KCNIP4: variants seen among roughly 807,000 people sequenced by gnomAD.
The protein encoded by KCNIP4 is potassium voltage-gated channel interacting protein 4.
In KCNIP4, 12 loss-of-function variants were observed where a neutral mutation model predicts 34.0. The ratio of observed to expected loss-of-function variants is 0.35; its 90% confidence interval spans 0.23 to 0.57. The LOEUF (loss-of-function observed/expected upper bound fraction) is 0.57, where lower values mean the gene tolerates loss of function less well. KCNIP4 is among the 20% of genes least tolerant of loss of function. The pLI is 0.83. For missense variants in KCNIP4, 238 were observed against 311.7 expected, an observed-to-expected ratio of 0.76 and a Z score of 1.78; for synonymous variants, 124 against 102.2, an observed-to-expected ratio of 1.21 and a Z score of -1.29.
chr4:20,758,071 C>T (rs529172432), intron 4 of KCNIP4, among the ~76,000 whole-genome samples: 2 of 152,248 alleles, frequency 1.3e-5, no homozygotes, highest in African/African-American at 2.4e-5. Context: ...ATTCCCCCTA[C>T]GTGATCAGCA....
chr4:21,898,548 C>A (rs1437433817), intron 1 of KCNIP4, among the ~76,000 whole-genome samples: 1 of 152,140 alleles, frequency 6.6e-6, no homozygotes, highest in Admixed American at 6.5e-5. Flanking sequence ...CAGAAGGGAA[C>A]CCACTGCCTT....
At chr4:21,091,817 C>A (rs1747020472) in intron 1 of KCNIP4, among the ~76,000 whole-genome samples, 1 of 152,142 alleles carries the variant, frequency 6.6e-6, no homozygotes, top group African/African-American at 2.4e-5. Context: ...ATGAGCACTC[C>A]ACCCTCAAGA....
intron 1 of KCNIP4, among the ~76,000 whole-genome samples, chr4:21,431,873 A>T (rs1023863850): frequency 6.6e-6 from 1 of 151,322 alleles, no homozygotes; most frequent in African/African-American, 2.4e-5. Context: ...GTGACTAATG[A>T]TCTTAATCAC....
At chr4:21,693,102 C>CCTCTTACCTT (rs371118853) in intron 1 of KCNIP4, among the ~76,000 whole-genome samples, 2 of 94,216 alleles carry the variant, frequency 2.1e-5, no homozygotes, top group African/African-American at 4.2e-5. Flanking sequence ...CTTAGGATCA[C>CCTCTTACCTT]CTCTTCCAGA....
chr4:21,214,258 A>T (rs1044545651), intron 1 of KCNIP4, among the ~76,000 whole-genome samples: 1 of 152,208 alleles, frequency 6.6e-6, no homozygotes, highest in Non-Finnish European at 1.5e-5. Flanking sequence ...AACATGTGTG[A>T]GCCATGAAAA....
At chr4:20,910,651 C>CT (rs1340214789) in intron 1 of KCNIP4, among the ~76,000 whole-genome samples, 2 of 152,190 alleles carry the variant, frequency 1.3e-5, no homozygotes, top group East Asian at 3.8e-4. Context: ...GAGTTCAGTA[C>CT]TTTCACGGCA....
At chr4:21,349,432 G>A (rs1238276242) in intron 1 of KCNIP4, among the ~76,000 whole-genome samples, 3 of 152,166 alleles carry the variant, frequency 2.0e-5, no homozygotes, top group African/African-American at 7.2e-5. Flanking sequence ...GATTTAGGCA[G>A]GGACATGACA....
intron 1 of KCNIP4, among the ~76,000 whole-genome samples, chr4:21,357,868 A>T (rs1560324430): frequency 6.6e-6 from 1 of 152,326 alleles, no homozygotes; most frequent in Middle Eastern, 3.4e-3. Flanking sequence ...ACACATGCAC[A>T]TGTATGTTTA....
intron 3 of KCNIP4, among the ~76,000 whole-genome samples, chr4:20,780,261 G>T (rs1006899755): frequency 2.0e-5 from 3 of 152,142 alleles, no homozygotes; most frequent in African/African-American, 7.2e-5. Context: ...TAGGATGTCA[G>T]GAATTAAGTA....
At chr4:21,275,975 A>G (rs1350101894) in intron 1 of KCNIP4, among the ~76,000 whole-genome samples, 1 of 152,230 alleles carries the variant, frequency 6.6e-6, no homozygotes, top group Non-Finnish European at 1.5e-5. Context: ...TGCAAAAAAA[A>G]ACTCATGATG....
At chr4:21,072,091 C>T (rs76604409) in intron 1 of KCNIP4, among the ~76,000 whole-genome samples, 25,237 of 151,976 alleles carry the variant, frequency 0.17, 2,155 homozygotes, top group African/African-American at 0.2. Context: ...TGAATAGTGC[C>T]GCAATAAACA....
chr4:21,374,228 ACTGG>A (rs1324139683), intron 1 of KCNIP4, among the ~76,000 whole-genome samples: 1 of 147,126 alleles, frequency 6.8e-6, no homozygotes, highest in Non-Finnish European at 1.5e-5. Flanking sequence ...CATACCCAAG[ACTGG>A]CTAATTTACA....
At chr4:21,538,992 G>A (rs1014431350) in intron 1 of KCNIP4, among the ~76,000 whole-genome samples, 3 of 152,034 alleles carry the variant, frequency 2.0e-5, no homozygotes, top group Admixed American at 6.6e-5. Context: ...TTCTCCTGAC[G>A]GTGAATGACT....
chr4:21,596,008 C>T (rs57084368), intron 1 of KCNIP4, among the ~76,000 whole-genome samples: 17,679 of 152,026 alleles, frequency 0.12, 1,114 homozygotes, highest in African/African-American at 0.14. Flanking sequence ...AGGATTGTTA[C>T]TTCAATAAAT....
At chr4:21,407,623 T>G (rs1724108210) in intron 1 of KCNIP4, among the ~76,000 whole-genome samples, 1 of 152,204 alleles carries the variant, frequency 6.6e-6, no homozygotes, top group Non-Finnish European at 1.5e-5. Context: ...ATAGCTTTGT[T>G]GGCTAAGCTA....
intron 3 of KCNIP4, among the ~76,000 whole-genome samples, chr4:20,759,349 C>A (rs1304723479): frequency 6.6e-6 from 1 of 152,146 alleles, no homozygotes; most frequent in African/African-American, 2.4e-5. Flanking sequence ...GAAGCTTCAA[C>A]CAGTAATAGA....
intron 3 of KCNIP4, among the ~76,000 whole-genome samples, chr4:20,791,979 A>G (rs988581218): frequency 1.3e-5 from 2 of 152,202 alleles, no homozygotes; most frequent in African/African-American, 4.8e-5. Flanking sequence ...TACTAACCTC[A>G]CAGACATGTA....
At chr4:20,909,797 A>T (rs1028050586) in intron 1 of KCNIP4, among the ~76,000 whole-genome samples, 1 of 152,140 alleles carries the variant, frequency 6.6e-6, no homozygotes, top group African/African-American at 2.4e-5. Flanking sequence ...GTGAAGGCTT[A>T]TGCTTTTGTG....
intron 4 of KCNIP4, among the ~76,000 whole-genome samples, chr4:20,756,052 A>T (rs186171246): frequency 1.8e-4 from 28 of 152,124 alleles, no homozygotes; most frequent in African/African-American, 6.7e-4. Context: ...GATCACTCTG[A>T]CTCATTTTAA....
Sources: allele counts gnomAD v4.1 joint callset (sites outside exome capture counted in the v4.1 genomes callset), GRCh38; gene constraint gnomAD v4.1.1; transcripts MANE v1.5; gene names NCBI Gene and HGNC (gene_info 2026-07-23, HGNC 2026-07-21).